The following PPP2R2B variants were observed in gnomAD, a reference collection of about 807,000 sequenced individuals.
The protein encoded by PPP2R2B is protein phosphatase 2 regulatory subunit Bbeta.
Under a neutral mutation model 46.0 loss-of-function variants are expected in PPP2R2B, and 5 were observed. The ratio of observed to expected loss-of-function variants is 0.11; its 90% CI spans 0.06 to 0.23. PPP2R2B has a LOEUF of 0.23. Ranked by LOEUF, PPP2R2B falls within the 10% of genes least tolerant of loss-of-function variation. The probability of loss-of-function intolerance (pLI) is 1.00; values close to 1 mark genes in which losing one functional copy is unlikely to be tolerated. For missense variants in PPP2R2B, 367 were observed against 575.0 expected (o/e 0.64, Z 3.70); for synonymous variants, 215 against 206.7 (o/e 1.04, Z -0.34).
chr5:146,844,209 C>T (rs1383931810), intron 2 of PPP2R2B, among the ~76,000 whole-genome samples: 2 of 37,578 alleles, frequency 5.3e-5, no homozygotes, highest in Non-Finnish European at 1.0e-4. Context: ...GTGGTGGGGT[C>T]GGGGGAGGGG....
At chr5:146,709,460 C>T (rs772136897) in intron 2 of PPP2R2B, among the ~76,000 whole-genome samples, 1 of 152,178 alleles carries the variant, frequency 6.6e-6, no homozygotes, top group Non-Finnish European at 1.5e-5. Flanking sequence ...TTTTAGCCTC[C>T]CTTGTGGCTA....
intron 4 of PPP2R2B, among the ~76,000 whole-genome samples, chr5:146,694,633 G>A (rs938247230): frequency 6.6e-6 from 1 of 152,054 alleles, no homozygotes; most frequent in South Asian, 2.1e-4. Context: ...ACTTTGGGGG[G>A]AGAATACAAA....
chr5:146,876,252 G>C (rs897168302), intron 2 of PPP2R2B, among the ~76,000 whole-genome samples: 1 of 152,000 alleles, frequency 6.6e-6, no homozygotes, highest in Middle Eastern at 3.2e-3. Context: ...TAAGAACAAC[G>C]GTAATATCCA....
chr5:146,899,571 A>G (rs890041266), intron 1 of PPP2R2B, among the ~76,000 whole-genome samples: 11 of 151,986 alleles, frequency 7.2e-5, no homozygotes, highest in Non-Finnish European at 1.2e-4. Context: ...ACATGTATAC[A>G]TATGTAACTA....
intron 1 of PPP2R2B, among the ~76,000 whole-genome samples, chr5:147,044,889 G>C (rs904398558): frequency 6.6e-6 from 1 of 152,174 alleles, no homozygotes; most frequent in Non-Finnish European, 1.5e-5. Flanking sequence ...TCCTAAGTCT[G>C]CCTTTCCTTT....
At chr5:146,742,999 A>C (rs1752968702) in intron 2 of PPP2R2B, among the ~76,000 whole-genome samples, 1 of 152,144 alleles carries the variant, frequency 6.6e-6, no homozygotes, top group Non-Finnish European at 1.5e-5. Context: ...GAAGGAAGTA[A>C]CTTTGCCAAC....
intron 2 of PPP2R2B, among the ~76,000 whole-genome samples, chr5:146,872,469 C>T (rs1463539960): frequency 6.6e-6 from 1 of 152,204 alleles, no homozygotes; most frequent in African/African-American, 2.4e-5. Context: ...TCATATGACA[C>T]TACCCCCTTT....
At chr5:146,892,465 G>A (rs1319209778) in intron 1 of PPP2R2B, among the ~76,000 whole-genome samples, 1 of 152,120 alleles carries the variant, frequency 6.6e-6, no homozygotes, top group Non-Finnish European at 1.5e-5. Flanking sequence ...ATGCACACAT[G>A]CACGTGAGCA....
chr5:146,791,396 G>A (rs1299001977), intron 2 of PPP2R2B, among the ~76,000 whole-genome samples: 1 of 151,826 alleles, frequency 6.6e-6, no homozygotes, highest in African/African-American at 2.4e-5. Context: ...AATCTGCTGT[G>A]TGTATGTGTG....
chr5:146,723,936 G>T (rs921880459), intron 2 of PPP2R2B, among the ~76,000 whole-genome samples: 2 of 151,990 alleles, frequency 1.3e-5, no homozygotes, highest in African/African-American at 2.4e-5. Context: ...TGACTATTTT[G>T]TCTGTTTCAT....
intron 2 of PPP2R2B, among the ~76,000 whole-genome samples, chr5:146,861,862 T>C (rs1185940885): frequency 2.0e-5 from 3 of 151,944 alleles, no homozygotes; most frequent in Admixed American, 6.6e-5. Flanking sequence ...CATTGTTTTT[T>C]TTTTTTTTTG....
intron 2 of PPP2R2B, among the ~76,000 whole-genome samples, chr5:146,832,851 GCAGTAGGCTATACCACCC>G (rs1350667328): frequency 6.6e-6 from 1 of 151,976 alleles, no homozygotes. Context: ...GCCTAGGTGT[GCAGTAGGCTATACCACCC>G]CAGGTTTGTG....
rs915611214 is a variant in PPP2R2B, at chr5:146,613,890, A to G, written c.791-13430T>C. The stretch of plus-strand genomic sequence containing the variant: ...GGAAGAACATTCCATGCTCATGGGT[A>G]GGAAGAATCGATATCGTGAAAATGG... On this transcript the variant is annotated intron_variant, in intron 7 of 9. Coordinates refer to ENST00000394411, the MANE Select transcript of PPP2R2B (RefSeq NM_181675.4). Among the ~76,000 whole-genome samples the G allele has an allele frequency of 1.5e-4, 21 of 137,500 alleles. 6 individuals carry two copies. In the East Asian group the frequency reaches 3.4e-3, roughly 22 times the overall value. 90.2% of individuals were successfully genotyped at this position (137,500 alleles called of 152,430 possible). A position where few individuals can be genotyped will look rare whatever the true frequency, so the allele number is the denominator to read the frequency against.
intron 2 of PPP2R2B, among the ~76,000 whole-genome samples, chr5:146,824,738 C>CTT (rs201658038): frequency 7.5e-4 from 107 of 142,942 alleles, no homozygotes; most frequent in African/African-American, 2.4e-3. Flanking sequence ...AGAATCAATA[C>CTT]TTTTTTTTTT....
intron 2 of PPP2R2B, among the ~76,000 whole-genome samples, chr5:146,739,592 T>C (rs111462050): frequency 0.013 from 2,048 of 152,228 alleles, 39 homozygotes; most frequent in African/African-American, 0.043. Flanking sequence ...AGAAGTAAAC[T>C]TGAGGTTCAT....
At chr5:146,735,717 C>T (rs1385889287) in intron 2 of PPP2R2B, among the ~76,000 whole-genome samples, 1 of 152,166 alleles carries the variant, frequency 6.6e-6, no homozygotes, top group East Asian at 1.9e-4. Flanking sequence ...AAACAAGAGA[C>T]AACTTAGCCA....
intron 1 of PPP2R2B, among the ~76,000 whole-genome samples, chr5:146,960,723 G>T: frequency 6.6e-6 from 1 of 152,114 alleles, no homozygotes; most frequent in East Asian, 1.9e-4. Flanking sequence ...TCAGGCAGGG[G>T]ATCAGCCGTA....
intron 1 of PPP2R2B, among the ~76,000 whole-genome samples, chr5:147,012,426 C>A (rs1407303993): frequency 1.3e-5 from 2 of 151,926 alleles, no homozygotes. Flanking sequence ...GTGGTGATAT[C>A]CCCTTTATCA....
chr5:146,685,730 T>C (rs9325022), intron 5 of PPP2R2B, among the ~76,000 whole-genome samples: 26,300 of 152,154 alleles, frequency 0.17, 2,749 homozygotes, highest in East Asian at 0.39. Context: ...AGTTTAGTTC[T>C]GGAGATTCAT....
Sources: allele counts gnomAD v4.1 joint callset (sites outside exome capture counted in the v4.1 genomes callset), GRCh38; gene constraint gnomAD v4.1.1; transcripts MANE v1.5; gene names NCBI Gene and HGNC (gene_info 2026-07-23, HGNC 2026-07-21).